GLIS3: variants seen among roughly 807,000 people sequenced by gnomAD.
GLIS3 encodes zinc finger protein GLIS3.
A neutral mutation model predicts 78.6 loss-of-function variants in GLIS3; 53 were observed. That is an observed-to-expected ratio of 0.67 (90% CI 0.54 to 0.85). The LOEUF is 0.85. Ranked by LOEUF, GLIS3 falls within the 40% of genes least tolerant of loss-of-function variation. The pLI is 0.00. For synonymous variants in GLIS3, 684 were observed against 509.9 expected (o/e 1.34, Z -4.60); for missense variants, 1,703 against 1,231.1 (o/e 1.38, Z -5.74).
chr9:4,174,579 C>T (rs1816657778), intron 2 of GLIS3, among the ~76,000 whole-genome samples: 2 of 152,146 alleles, frequency 1.3e-5, no homozygotes, highest in Admixed American at 6.5e-5. Context: ...AATTATCTAA[C>T]TGACATTTTT....
chr9:3,939,380 A>G (rs1034357454), intron 4 of GLIS3, among the ~76,000 whole-genome samples: 1 of 152,242 alleles, frequency 6.6e-6, no homozygotes, highest in Admixed American at 6.5e-5. Flanking sequence ...CATAAACTAT[A>G]TGTAAGAATA....
chr9:4,373,749 C>T, the GLIS3 span, among the ~76,000 whole-genome samples: 1 of 151,090 alleles, frequency 6.6e-6, no homozygotes, highest in African/African-American at 2.4e-5. Flanking sequence ...GCTCATGCAA[C>T]CTCCACCTCC....
chr9:4,219,546 G>A (rs1207820229), intron 2 of GLIS3, among the ~76,000 whole-genome samples: 1 of 152,166 alleles, frequency 6.6e-6, no homozygotes, highest in Non-Finnish European at 1.5e-5. Context: ...ACCAAACCCA[G>A]CAATCTCAAA....
intron 8 of GLIS3, among the ~76,000 whole-genome samples, chr9:3,871,519 C>T (rs1428523211): frequency 1.3e-5 from 2 of 152,202 alleles, no homozygotes; most frequent in Admixed American, 6.5e-5. Flanking sequence ...TCTAGACAGA[C>T]GTTCCCAAAC....
intron 6 of GLIS3, among the ~76,000 whole-genome samples, chr9:3,918,953 G>A (rs568225735): frequency 4.6e-5 from 7 of 152,190 alleles, no homozygotes; most frequent in East Asian, 1.9e-4. Context: ...ATAGGTGTGA[G>A]TTCTAGAGCT....
At chr9:4,317,989 GAT>G (rs1817466042) in intron 2 of GLIS3, among the ~76,000 whole-genome samples, 1 of 152,190 alleles carries the variant, frequency 6.6e-6, no homozygotes, top group African/African-American at 2.4e-5. Context: ...TCTCTGTGAA[GAT>G]AGACTTAGAA....
intron 4 of GLIS3, among the ~76,000 whole-genome samples, chr9:3,989,849 T>C (rs751291186): frequency 4.6e-5 from 7 of 152,130 alleles, no homozygotes; most frequent in South Asian, 2.1e-4. Flanking sequence ...TAGCAACACA[T>C]TGTATAGAAC....
intron 2 of GLIS3, among the ~76,000 whole-genome samples, chr9:4,191,186 T>C (rs978556493): frequency 1.3e-5 from 2 of 150,776 alleles, no homozygotes; most frequent in African/African-American, 2.4e-5. Flanking sequence ...CATAACAATA[T>C]TAACTTTAAA....
chr9:4,334,218 T>A (rs554182499), intron 2 of GLIS3, among the ~76,000 whole-genome samples: 3 of 152,332 alleles, frequency 2.0e-5, no homozygotes, highest in East Asian at 1.9e-4. Flanking sequence ...TGAAAGACCA[T>A]CTGATAGTGT....
the GLIS3 span, among the ~76,000 whole-genome samples, chr9:4,373,666 T>C: frequency 2.7e-5 from 4 of 147,328 alleles, no homozygotes; most frequent in Non-Finnish European, 5.9e-5. Flanking sequence ...CATAATTTTC[T>C]TTTCTTTTTT....
the GLIS3 span, among the ~76,000 whole-genome samples, chr9:4,481,398 C>T: frequency 2.0e-5 from 3 of 152,012 alleles, no homozygotes; most frequent in Non-Finnish European, 4.4e-5. Context: ...TCAGGGGAAT[C>T]GCTTGAACCT....
At chr9:4,405,103 C>T in the GLIS3 span, among the ~76,000 whole-genome samples, 3 of 151,904 alleles carry the variant, frequency 2.0e-5, no homozygotes, top group African/African-American at 7.3e-5. Flanking sequence ...GCCTGTAATC[C>T]CAGCACTTTG....
intron 2 of GLIS3, among the ~76,000 whole-genome samples, chr9:4,326,776 A>G (rs1817606389): frequency 6.6e-6 from 1 of 152,162 alleles, no homozygotes; most frequent in Admixed American, 6.5e-5. Flanking sequence ...AATTGGAAAC[A>G]TAGGCTGGAA....
rs767395428 is a variant in GLIS3, at chr9:4,118,145, G to T, written c.1333C>A (p.Pro445Thr). Residue 445 changes from proline (P) to threonine (T), a missense_variant, in exon 4 of 11, where the codon CCC (proline) becomes ACC (threonine). Transcript: ENST00000381971. The surrounding 1 kb of genome is among the most constrained non-coding windows in gnomAD (Gnocchi z 4.7). ...GGCAGAGGAGGGAGCGGAGGCGCGG[G>T]GGGTAGGTCTACGGTGCTGCCCGGG... ...EFPGSTVDLP[P>T]APPLPPLPPP... 8 of 1,554,028 alleles carry T rather than the reference G, an allele frequency of 5.1e-6. No individual in the cohort carries two copies. The highest frequency in any genetic ancestry group is 1.9e-5 in the Admixed American group (1 of 54,010).
intron 4 of GLIS3, among the ~76,000 whole-genome samples, chr9:4,060,315 T>C (rs1826538617): frequency 6.6e-6 from 1 of 152,210 alleles, no homozygotes; most frequent in African/African-American, 2.4e-5. Flanking sequence ...GAACCTCAAA[T>C]CTGGTTCCTG....
At chr9:3,837,141 A>G (rs2130023798) in intron 9 of GLIS3, among the ~76,000 whole-genome samples, 1 of 152,280 alleles carries the variant, frequency 6.6e-6, no homozygotes, top group South Asian at 2.1e-4. Flanking sequence ...CTGACCTACG[A>G]CAGGTCTGAA....
At chr9:4,336,639 G>C (rs868390342) in intron 2 of GLIS3, among the ~76,000 whole-genome samples, 1 of 152,220 alleles carries the variant, frequency 6.6e-6, no homozygotes, top group Non-Finnish European at 1.5e-5. Flanking sequence ...GTAAGCGACA[G>C]AACTAGGGTT....
intron 2 of GLIS3, among the ~76,000 whole-genome samples, chr9:4,176,432 T>A (rs949647455): frequency 1.3e-5 from 2 of 152,236 alleles, no homozygotes; most frequent in African/African-American, 4.8e-5. Flanking sequence ...CATCTAGTTG[T>A]ACTTTAAAAT....
chr9:4,317,854 T>A (rs1181438901), intron 2 of GLIS3, among the ~76,000 whole-genome samples: 1 of 152,226 alleles, frequency 6.6e-6, no homozygotes, highest in Admixed American at 6.5e-5. Context: ...CTCTGTAAAC[T>A]TTAAGCTGCC....
Sources: allele counts gnomAD v4.1 joint callset (sites outside exome capture counted in the v4.1 genomes callset), GRCh38; gene constraint gnomAD v4.1.1; non-coding constraint Gnocchi (gnomAD v3.1); transcripts MANE v1.5; gene names NCBI Gene and HGNC (gene_info 2026-07-23, HGNC 2026-07-21).